The following SCAMP2 variants were observed in gnomAD, a reference collection of about 807,000 sequenced individuals.
SCAMP2 encodes the protein secretory carrier membrane protein 2.
A neutral mutation model predicts 44.1 loss-of-function variants in SCAMP2; 25 were observed. That is an observed-to-expected ratio of 0.57 (90% confidence interval 0.41 to 0.79). The LOEUF (loss-of-function observed/expected upper bound fraction) is 0.79, where lower values mean the gene tolerates loss of function less well. SCAMP2 is among the 30% of genes least tolerant of loss of function. The probability of loss-of-function intolerance (pLI) is 0.00; values close to 1 mark genes in which losing one functional copy is unlikely to be tolerated. For missense variants in SCAMP2, 355 were observed against 411.0 expected (o/e 0.86, Z 1.18); for synonymous variants, 156 against 166.0 (o/e 0.94, Z 0.46).
intron 1 of SCAMP2, among the ~76,000 whole-genome samples, chr15:74,861,900 C>CAAAAAAAAAAAAAAAAAAA (rs71140103): frequency 2.3e-5 from 1 of 44,286 alleles, no homozygotes; most frequent in African/African-American, 7.4e-5. Flanking sequence ...GACTCTGTCT[C>CAAAAAAAAAAAAAAAAAAA]AAAAAAAAAA....
intron 1 of SCAMP2, chr15:74,872,864 C>T (rs1335559084): frequency 7.0e-6 from 2 of 285,140 alleles, no homozygotes; most frequent in East Asian, 6.0e-5. Context: ...TGAGGGAATG[C>T]GATAGCCACA....
chr15:74,865,074 CA>C (rs36079981), intron 1 of SCAMP2, among the ~76,000 whole-genome samples: 916 of 32,816 alleles, frequency 0.028, no homozygotes, highest in Non-Finnish European at 0.037. Flanking sequence ...GACTCTATCT[CA>C]AAAAAAAAAA....
At chr15:74,853,326 G>T in intron 3 of SCAMP2, 1 of 442,240 alleles carries the variant, frequency 2.3e-6, no homozygotes, top group Non-Finnish European at 4.6e-6. Flanking sequence ...GGCAGGCTCC[G>T]GGTGCCCTGC....
chr15:74,844,802 A>G lies in SCAMP2; in HGVS notation c.*281T>C, dbSNP rs1196270476. ...GGGGTGTCTGTGTGTGCACAGGACG[A>G]AGAGAACTTCAGTCCCACTGCTTCC... On this transcript the variant is annotated 3_prime_UTR_variant, in exon 9 of 9. Transcript: ENST00000268099. 2.2e-5 allele frequency: 8 copies of G among 370,926 alleles called. No individual in the cohort carries two copies. In the Admixed American group the frequency reaches 2.4e-4, roughly 11 times the overall value. 23.0% of individuals were successfully genotyped at this position (370,926 alleles called of 1,614,324 possible).
At position 74,845,512 on chromosome 15, in the gene SCAMP2, G is replaced by A. The variant is rs1024913591; in HGVS notation, c.816C>T (p.Phe272=). The A allele has an allele frequency of 1.9e-6, 3 of 1,614,070 alleles. No homozygotes were observed. The African/African-American group carries it at 4.0e-5, about 22-fold the overall frequency. ...AGACTGAGAGCACGGCACAGAGGGT[G>A]AAGAAGCCAGCCACCACCATCATGA... ...SVIMMVVAGF[F]TLCAVLSVFL... is the part of the protein sequence containing the mutation. The change falls in exon 8 of 9, where the codon TTC becomes TTT. Residue 272 remains phenylalanine (F), a synonymous_variant. Transcript: ENST00000268099.
At chr15:74,864,544 G>A (rs2064529835) in intron 1 of SCAMP2, among the ~76,000 whole-genome samples, 1 of 152,134 alleles carries the variant, frequency 6.6e-6, no homozygotes, top group Admixed American at 6.6e-5. Context: ...TGCAGTCAGG[G>A]GTGACATGAT....
At chr15:74,853,839 G>T in intron 3 of SCAMP2, 182 bp downstream of exon 3, 1 of 605,716 alleles carries the variant, frequency 1.7e-6, no homozygotes, top group Non-Finnish European at 2.9e-6. Context: ...AGGGAGTAAG[G>T]ATATTAATTG....
intron 1 of SCAMP2, among the ~76,000 whole-genome samples, chr15:74,862,263 C>CAA (rs1206712618): frequency 0.19 from 2,878 of 15,388 alleles, 1,052 homozygotes; most frequent in East Asian, 0.61. Context: ...ACTCTGTCTC[C>CAA]AAAAAAAAAA....
chr15:74,872,093 G>A (rs1454476926), intron 1 of SCAMP2, among the ~76,000 whole-genome samples: 1 of 151,012 alleles, frequency 6.6e-6, no homozygotes, highest in African/African-American at 2.4e-5. Flanking sequence ...AAGAAAGCAG[G>A]AAGATTGTTT....
chr15:74,869,108 C>A (rs924130262), intron 1 of SCAMP2, among the ~76,000 whole-genome samples: 1 of 152,076 alleles, frequency 6.6e-6, no homozygotes, highest in African/African-American at 2.4e-5. Flanking sequence ...GAGCCAAGAT[C>A]GCACCATTGC....
At position 74,857,226 on chromosome 15, in the gene SCAMP2, G is replaced by A. The variant is rs540638713; in HGVS notation, c.58-2577C>T. On this transcript the variant is annotated intron_variant, in intron 1 of 8. Transcript: ENST00000268099. The stretch of plus-strand genomic sequence containing the variant: ...CTCCACCCCTTCCAACCTCCTCTGC[G>A]ACAGACTGTGGCTATGTTCTTCCTG... Among the ~76,000 whole-genome samples the A allele has an allele frequency of 5.9e-5, 9 of 152,250 alleles. No individual in the cohort carries two copies. In the East Asian group the frequency reaches 1.3e-3, roughly 23 times the overall value.
intron 1 of SCAMP2, among the ~76,000 whole-genome samples, chr15:74,869,181 G>A (rs888136689): frequency 6.6e-6 from 1 of 152,002 alleles, no homozygotes. Context: ...AAACAAAAAC[G>A]AAATAGGTAG....
intron 1 of SCAMP2, among the ~76,000 whole-genome samples, chr15:74,862,853 T>TACACACACACACACACACACAC (rs112611741): frequency 2.3e-5 from 2 of 87,482 alleles, no homozygotes; most frequent in Non-Finnish European, 4.7e-5. Context: ...AAACAAACCA[T>TACACACACACACACACACACAC]ACACACACAC....
intron 6 of SCAMP2, among the ~76,000 whole-genome samples, chr15:74,849,211 C>T (rs1596414257): frequency 6.6e-6 from 1 of 152,094 alleles, no homozygotes; most frequent in African/African-American, 2.4e-5. Flanking sequence ...CTAAGTAAAT[C>T]TCTTAATAAT....
intron 7 of SCAMP2, 30 bp downstream of exon 7, chr15:74,848,570 C>T: frequency 7.0e-7 from 1 of 1,421,902 alleles, no homozygotes; most frequent in South Asian, 1.1e-5. Flanking sequence ...TATCCAAAGC[C>T]TAATTCCCTC....
intron 1 of SCAMP2, among the ~76,000 whole-genome samples, chr15:74,869,434 C>T (rs1337371079): frequency 6.6e-6 from 1 of 152,198 alleles, no homozygotes; most frequent in Non-Finnish European, 1.5e-5. Flanking sequence ...ACTTTCACCA[C>T]TCCCAGTACT....
At chr15:74,855,775 C>G (rs1157175997) in intron 1 of SCAMP2, among the ~76,000 whole-genome samples, 1 of 151,260 alleles carries the variant, frequency 6.6e-6, no homozygotes. Flanking sequence ...ATGCTGCTGG[C>G]TGCCAGTACT....
intron 1 of SCAMP2, among the ~76,000 whole-genome samples, chr15:74,862,840 A>C (rs986719170): frequency 7.5e-6 from 1 of 133,056 alleles, no homozygotes; most frequent in Admixed American, 7.9e-5. Flanking sequence ...AAAAAAAAAC[A>C]AAAAACAAAC....
At position 74,844,203 on chromosome 15, in the gene SCAMP2, A is replaced by AGGGG. The variant is rs375483317; in HGVS notation, c.*876_*879dup. 52 of 67,102 alleles carry AGGGG rather than the reference A, an allele frequency of 7.7e-4. 1 individual carries two copies. The highest frequency in any genetic ancestry group is 3.7e-3 in the South Asian group (8 of 2,134). 4.2% of individuals were successfully genotyped at this position (67,102 alleles called of 1,614,324 possible). Reference sequence around the variant, plus strand: ...AAGGCAGCCGTCCCTCGGTTCGGGGAGGGGGGGGGGTAGTCACAGCAAACA... The same window carrying AGGGG: ...AAGGCAGCCGTCCCTCGGTTCGGGGAGGGGGGGGGGGGGGTAGTCACAGCAAACA... On this transcript the variant is annotated 3_prime_UTR_variant, in exon 9 of 9. Coordinates refer to ENST00000268099, the MANE Select transcript of SCAMP2 (RefSeq NM_005697.5).
Sources: gnomAD v4.1 joint callset for allele counts (sites outside exome capture counted in the v4.1 genomes callset) on GRCh38, gnomAD v4.1.1 for gene constraint, MANE v1.5 for transcripts, NCBI Gene and HGNC (gene_info 2026-07-23, HGNC 2026-07-21) for gene names.